ATRNL1: variants seen among roughly 807,000 people sequenced by gnomAD.
The protein encoded by ATRNL1 is attractin-like protein 1.
ATRNL1 carries 95 observed loss-of-function variants against 182.7 expected under a neutral mutation model. That is an observed-to-expected ratio of 0.52 (90% CI 0.44 to 0.62). The LOEUF (loss-of-function observed/expected upper bound fraction) is 0.62. Ranked by LOEUF, ATRNL1 falls within the 20% of genes least tolerant of loss-of-function variation. The pLI, the probability that ATRNL1 is intolerant of heterozygous loss-of-function variation, is 0.00. For synonymous variants in ATRNL1, 576 were observed against 568.3 expected (o/e 1.01, Z -0.19); for missense variants, 1,471 against 1,679.5 (o/e 0.88, Z 2.17).
intron 13 of ATRNL1, among the ~76,000 whole-genome samples, chr10:115,270,520 C>A (rs925740236): frequency 6.7e-6 from 1 of 149,548 alleles, no homozygotes; most frequent in Admixed American, 6.7e-5. Flanking sequence ...ATGAAAAGTC[C>A]CAGGATCTGC....
chr10:115,157,828 C>T (rs868910709), intron 5 of ATRNL1, among the ~76,000 whole-genome samples: 3 of 152,206 alleles, frequency 2.0e-5, no homozygotes, highest in Middle Eastern at 6.8e-3. Flanking sequence ...ATTCAGTCCA[C>T]TGGAAACTTG....
intron 22 of ATRNL1, among the ~76,000 whole-genome samples, chr10:115,462,824 T>C (rs893392797): frequency 1.3e-5 from 2 of 152,084 alleles, no homozygotes; most frequent in Admixed American, 1.3e-4. Context: ...GAAAGATTCA[T>C]TGTGAATTTT....
intron 26 of ATRNL1, among the ~76,000 whole-genome samples, chr10:115,713,667 G>A (rs1174425905): frequency 1.5e-5 from 2 of 132,382 alleles, no homozygotes; most frequent in African/African-American, 2.9e-5. Context: ...ACTCATTCAG[G>A]TTCTGTTTTC....
chr10:115,742,933 TG>T (rs1409216157), intron 27 of ATRNL1, among the ~76,000 whole-genome samples: 3 of 152,134 alleles, frequency 2.0e-5, no homozygotes, highest in Non-Finnish European at 4.4e-5. Context: ...CAGTTCAGCA[TG>T]GCTGGGGAGG....
chr10:115,568,180 C>G (rs2133855520), intron 26 of ATRNL1, among the ~76,000 whole-genome samples: 1 of 152,070 alleles, frequency 6.6e-6, no homozygotes, highest in East Asian at 1.9e-4. Flanking sequence ...GTGGCCAGTG[C>G]TCTTTTGTTC....
intron 13 of ATRNL1, among the ~76,000 whole-genome samples, chr10:115,277,540 A>G (rs1358891932): frequency 6.6e-6 from 1 of 152,128 alleles, no homozygotes; most frequent in African/African-American, 2.4e-5. Flanking sequence ...ATTTAGCTCC[A>G]TTACATGAGA....
intron 19 of ATRNL1, among the ~76,000 whole-genome samples, chr10:115,343,342 C>T (rs562425291): frequency 3.3e-5 from 5 of 152,102 alleles, no homozygotes; most frequent in East Asian, 3.9e-4. Context: ...TTTCTGACAG[C>T]GTATTTTCAA....
At chr10:115,811,396 G>A (rs1950043397) in intron 27 of ATRNL1, among the ~76,000 whole-genome samples, 2 of 151,912 alleles carry the variant, frequency 1.3e-5, no homozygotes, top group Admixed American at 1.3e-4. Context: ...AGTATGGTCT[G>A]TATGGTGAAG....
intron 25 of ATRNL1, among the ~76,000 whole-genome samples, chr10:115,527,781 C>T (rs545846062): frequency 7.0e-5 from 10 of 142,374 alleles, no homozygotes; most frequent in Non-Finnish European, 1.2e-4. Context: ...TCCTTCCTTC[C>T]CTCCCTCCCT....
chr10:115,899,764 T>C (rs1313341859), intron 28 of ATRNL1, among the ~76,000 whole-genome samples: 1 of 152,214 alleles, frequency 6.6e-6, no homozygotes, highest in Non-Finnish European at 1.5e-5. Context: ...TTTTCCACTT[T>C]CCTGTATTCT....
intron 24 of ATRNL1, among the ~76,000 whole-genome samples, chr10:115,499,880 T>A (rs188251856): frequency 6.6e-6 from 1 of 152,288 alleles, no homozygotes; most frequent in Non-Finnish European, 1.5e-5. Flanking sequence ...TCCTTTCACG[T>A]TTACTCCTTT....
At chr10:115,634,176 C>A (rs1858712904) in intron 26 of ATRNL1, among the ~76,000 whole-genome samples, 2 of 152,052 alleles carry the variant, frequency 1.3e-5, no homozygotes, top group African/African-American at 4.8e-5. Context: ...CACCTAAAAT[C>A]AACTTTTTGA....
In ATRNL1 at chr10:115,807,004, T is replaced by C. The variant is rs558859478; in HGVS notation, c.3904-40873T>C. ...GGAGTCAAATCTTAAGGTGACAAAT[T>C]TAAGTTTTTAAAATATTTGCAAATT... is the stretch of plus-strand genomic sequence containing the variant. On this transcript the variant is annotated intron_variant, in intron 27 of 28. Transcript: ENST00000355044. Among the ~76,000 whole-genome samples, 281 of 152,254 alleles carry C rather than the reference T, an allele frequency of 1.8e-3. 2 individuals carry two copies. The highest frequency in any genetic ancestry group is 6.2e-3 in the African/African-American group (258 of 41,542).
intron 26 of ATRNL1, among the ~76,000 whole-genome samples, chr10:115,690,625 A>G (rs1946360419): frequency 6.6e-6 from 1 of 152,112 alleles, no homozygotes; most frequent in Non-Finnish European, 1.5e-5. Context: ...GTGCCACTTT[A>G]GTGGACACTG....
At chr10:115,697,829 C>T (rs1242095668) in intron 26 of ATRNL1, among the ~76,000 whole-genome samples, 8 of 152,012 alleles carry the variant, frequency 5.3e-5, no homozygotes, top group Non-Finnish European at 1.0e-4. Context: ...TCCTTTTGAC[C>T]GTGTCTTTGC....
chr10:115,111,077 C>G (rs1427942158), intron 1 of ATRNL1, among the ~76,000 whole-genome samples: 2 of 152,108 alleles, frequency 1.3e-5, no homozygotes, highest in East Asian at 3.9e-4. Flanking sequence ...TTACAGATAG[C>G]ATAAAGTTAT....
intron 27 of ATRNL1, among the ~76,000 whole-genome samples, chr10:115,794,129 C>T (rs1555082362): frequency 6.6e-6 from 1 of 152,130 alleles, no homozygotes; most frequent in Non-Finnish European, 1.5e-5. Context: ...TTGGGATTAA[C>T]ATTTGCTCTA....
At chr10:115,455,966 A>G (rs1847504453) in intron 21 of ATRNL1, among the ~76,000 whole-genome samples, 1 of 152,216 alleles carries the variant, frequency 6.6e-6, no homozygotes, top group Non-Finnish European at 1.5e-5. Context: ...AATGATGATC[A>G]TTAAAAAGTC....
At chr10:115,287,848 C>T (rs1554919534) in intron 15 of ATRNL1, among the ~76,000 whole-genome samples, 1 of 151,056 alleles carries the variant, frequency 6.6e-6, no homozygotes, top group East Asian at 1.9e-4. Flanking sequence ...TAAATCTCTT[C>T]TTATCCCTCC....
Sources: allele counts gnomAD v4.1 joint callset (sites outside exome capture counted in the v4.1 genomes callset), GRCh38; gene constraint gnomAD v4.1.1; transcripts MANE v1.5; gene names NCBI Gene and HGNC (gene_info 2026-07-23, HGNC 2026-07-21).